The following FRS2 variants were observed in gnomAD, a reference collection of about 807,000 sequenced individuals.
FRS2 encodes the protein FGFR signalling adaptor.
FRS2 carries 8 observed loss-of-function variants against 43.9 expected under a neutral mutation model. The observed-to-expected ratio is 0.18, with a 90% CI of 0.11 to 0.33. The LOEUF is 0.33. Ranked by LOEUF, FRS2 falls within the 10% of genes least tolerant of loss-of-function variation. The pLI is 1.00. For synonymous variants in FRS2, 219 were observed against 220.3 expected, an observed-to-expected ratio of 0.99 and a Z score of 0.05; for missense variants, 534 against 627.6, an observed-to-expected ratio of 0.85 and a Z score of 1.59.
At chr12:69,512,929 G>T (rs1874596293) in intron 1 of FRS2, among the ~76,000 whole-genome samples, 1 of 152,126 alleles carries the variant, frequency 6.6e-6, no homozygotes, top group Non-Finnish European at 1.5e-5. Flanking sequence ...ATGGTATTCA[G>T]TTAACTTCAT....
At chr12:69,547,090 A>G (rs986370434) in intron 3 of FRS2, among the ~76,000 whole-genome samples, 1 of 152,272 alleles carries the variant, frequency 6.6e-6, no homozygotes, top group Non-Finnish European at 1.5e-5. Flanking sequence ...TGAAGACATT[A>G]TGCAAAGTGA....
chr12:69,562,796 C>T lies in FRS2; in HGVS notation c.-27+522C>T, dbSNP rs560447301. ...CCTCGACCACCTGGGTTTAAGTGAT[C>T]CTCCCACCTCAACCTCCCAAGTAGC... On this transcript the variant is annotated intron_variant, in intron 4 of 8. Coordinates refer to ENST00000549921, the MANE Select transcript of FRS2 (RefSeq NM_001278356.2). 6.9e-4 allele frequency among the ~76,000 whole-genome samples: 105 copies of T among 151,934 alleles called. 2 individuals are homozygous for T. Among genetic ancestry groups the T allele is most frequent in the Non-Finnish European group, 1.3e-3 (89 of 67,972 alleles).
At chr12:69,530,448 G>A (rs775800478) in intron 1 of FRS2, among the ~76,000 whole-genome samples, 1 of 151,998 alleles carries the variant, frequency 6.6e-6, no homozygotes, top group African/African-American at 2.4e-5. Context: ...TGCTCAAGAA[G>A]TGCTTTGAGG....
At chr12:69,511,006 G>A (rs536872845) in intron 1 of FRS2, among the ~76,000 whole-genome samples, 1 of 152,268 alleles carries the variant, frequency 6.6e-6, no homozygotes, top group East Asian at 1.9e-4. Context: ...ATCTTTCAGT[G>A]TTACATACCT....
chr12:69,557,594 T>TTGTGTGTGTGTGTGTGCG (rs1555192516), intron 3 of FRS2, among the ~76,000 whole-genome samples: 7 of 137,024 alleles, frequency 5.1e-5, no homozygotes, highest in African/African-American at 1.6e-4. Context: ...TGAAGGTTGA[T>TTGTGTGTGTGTGTGTGCG]TGTGTGTGTG....
chr12:69,511,153 T>C (rs1592962101), intron 1 of FRS2, among the ~76,000 whole-genome samples: 1 of 152,226 alleles, frequency 6.6e-6, no homozygotes, highest in African/African-American at 2.4e-5. Flanking sequence ...ATCAGTAAAT[T>C]TGATATTTGG....
intron 3 of FRS2, among the ~76,000 whole-genome samples, chr12:69,534,472 G>C (rs1205317279): frequency 6.6e-6 from 1 of 152,132 alleles, no homozygotes; most frequent in African/African-American, 2.4e-5. Context: ...GTACTGAAAG[G>C]AAAACCTCTC....
At chr12:69,502,542 T>C (rs2135548831) in intron 1 of FRS2, among the ~76,000 whole-genome samples, 1 of 152,188 alleles carries the variant, frequency 6.6e-6, no homozygotes, top group East Asian at 1.9e-4. Context: ...CCACTGTGAT[T>C]TTTGGTTGAT....
At chr12:69,573,955 G>T (rs1160128748) in intron 8 of FRS2, 50 bp from the exon 9 acceptor site, 2 of 1,278,488 alleles carry the variant, frequency 1.6e-6, no homozygotes, top group Non-Finnish European at 1.1e-6. Flanking sequence ...CTTTTTTTCA[G>T]TTTTGTTTTT....
At chr12:69,536,156 A>T in intron 3 of FRS2, among the ~76,000 whole-genome samples, 1 of 70,334 alleles carries the variant, frequency 1.4e-5, no homozygotes, top group Non-Finnish European at 2.7e-5. Flanking sequence ...ACGAAGTCTT[A>T]CTCTGTTACC....
At chr12:69,532,910 A>G (rs1011974034) in intron 3 of FRS2, among the ~76,000 whole-genome samples, 1 of 152,208 alleles carries the variant, frequency 6.6e-6, no homozygotes, top group African/African-American at 2.4e-5. Context: ...CAGGTAACAT[A>G]GTTCCTTTCT....
At chr12:69,481,279 G>T (rs1871325721) in intron 1 of FRS2, among the ~76,000 whole-genome samples, 1 of 130,122 alleles carries the variant, frequency 7.7e-6, no homozygotes, top group African/African-American at 3.4e-5. Flanking sequence ...CCAAATTCCA[G>T]AATTTTTTTT....
chr12:69,495,780 T>C (rs1473796327), intron 1 of FRS2, among the ~76,000 whole-genome samples: 1 of 151,962 alleles, frequency 6.6e-6, no homozygotes, highest in Non-Finnish European at 1.5e-5. Flanking sequence ...TGCACACCTG[T>C]AGTCGTAGCT....
At position 69,557,619 on chromosome 12, in the gene FRS2, T is replaced by TGTGTGTGTGTGTGTGTGC. The variant is rs1555192498; in HGVS notation, c.-121-4560_-121-4559insTGTGTGTGTGTGTGTGCG. Among the ~76,000 whole-genome samples, 629 of 118,984 alleles carry TGTGTGTGTGTGTGTGTGC rather than the reference T, an allele frequency of 5.3e-3. 6 individuals carry two copies. Among genetic ancestry groups the TGTGTGTGTGTGTGTGTGC allele is most frequent in the East Asian group, 0.03 (120 of 4,016 alleles). 78.1% of individuals were successfully genotyped at this position (118,984 alleles called of 152,430 possible). A position where few individuals can be genotyped will look rare whatever the true frequency, so the allele number is the denominator to read the frequency against. ...TTGTGTGTGTGTGTGTGTGTGTGTG[T>TGTGTGTGTGTGTGTGTGC]GCGCGCGCGCGCGCGCGCAGGTGCA... On this transcript the variant is annotated intron_variant, in intron 3 of 8. Transcript: ENST00000549921.
chr12:69,506,619 C>T (rs984209817), intron 1 of FRS2, among the ~76,000 whole-genome samples: 1 of 152,052 alleles, frequency 6.6e-6, no homozygotes, highest in African/African-American at 2.4e-5. Context: ...TCTTTTAGAT[C>T]CAGTTCGGTG....
chr12:69,539,816 A>G (rs1409446637), intron 3 of FRS2, among the ~76,000 whole-genome samples: 2 of 151,956 alleles, frequency 1.3e-5, no homozygotes, highest in Non-Finnish European at 2.9e-5. Context: ...TTAGCTGGGC[A>G]GGGTGGCGGG....
In FRS2 at chr12:69,576,181, G is replaced by A. The variant is rs2135829063; in HGVS notation, c.*1226G>A. The A allele has an allele frequency of 6.6e-6, 1 of 152,552 alleles. No individual in the cohort carries two copies. Among genetic ancestry groups the A allele is most frequent in the Non-Finnish European group, 1.5e-5 (1 of 68,018 alleles). 9.4% of individuals were successfully genotyped at this position (152,552 alleles called of 1,614,324 possible). A position where few individuals can be genotyped will look rare whatever the true frequency, so the allele number is the denominator to read the frequency against. On this transcript the variant is annotated 3_prime_UTR_variant, in exon 9 of 9. Transcript: ENST00000549921. ...GGCACTCTTCCCCAGCACTTTAGCA[G>A]TAATTCCCCCAGCTACACGCTGCAG...
chr12:69,508,479 C>G (rs1474704296), intron 1 of FRS2, among the ~76,000 whole-genome samples: 1 of 151,920 alleles, frequency 6.6e-6, no homozygotes, highest in East Asian at 1.9e-4. Context: ...ACTGGAAGTC[C>G]TAAGAATTAA....
rs74840252 is a variant in FRS2 at position 69,565,994 on chromosome 12, A to G, written c.-26-3011A>G. Among the ~76,000 whole-genome samples the G allele has an allele frequency of 6.6e-3, 1,000 of 150,732 alleles. 16 individuals are homozygous for G. The highest frequency in any genetic ancestry group is 0.023 in the African/African-American group (948 of 40,882). On this transcript the variant is annotated intron_variant, in intron 4 of 8. Coordinates refer to ENST00000549921, the MANE Select transcript of FRS2 (RefSeq NM_001278356.2). ...GGCAGTGCAGTAGGTTTTTTTTTAT[A>G]CCAGCATTATCTCAAACACATGAAT...
Sources: gnomAD v4.1 joint callset for allele counts (sites outside exome capture counted in the v4.1 genomes callset) on GRCh38, gnomAD v4.1.1 for gene constraint, MANE v1.5 for transcripts, NCBI Gene and HGNC (gene_info 2026-07-23, HGNC 2026-07-21) for gene names.